The following SLC24A2 variants were observed in gnomAD, a reference collection of about 807,000 sequenced individuals.
The protein encoded by SLC24A2 is solute carrier family 24 member 2.
In SLC24A2, 36 loss-of-function variants were observed where a neutral mutation model predicts 62.0. The observed-to-expected ratio is 0.58, with a 90% CI of 0.44 to 0.77. The LOEUF is 0.77. Among genes scored for constraint, SLC24A2 ranks in the 30% least tolerant of loss-of-function variants. The pLI, the probability that SLC24A2 is intolerant of heterozygous loss-of-function variation, is 0.00. For missense variants in SLC24A2, 846 were observed against 817.9 expected, an observed-to-expected ratio of 1.03 and a Z score of -0.42; for synonymous variants, 358 against 294.0, an observed-to-expected ratio of 1.22 and a Z score of -2.23.
At chr9:20,190,194 T>A in the SLC24A2 span, among the ~76,000 whole-genome samples, 4 of 152,166 alleles carry the variant, frequency 2.6e-5, no homozygotes, top group African/African-American at 9.6e-5. Flanking sequence ...TCTTTGTTTC[T>A]CCATTTCTGG....
At chr9:20,191,876 G>C in the SLC24A2 span, among the ~76,000 whole-genome samples, 1 of 152,216 alleles carries the variant, frequency 6.6e-6, no homozygotes, top group East Asian at 1.9e-4. Context: ...TCTTATTTTA[G>C]GAGGGTACAC....
chr9:19,874,286 G>T, the SLC24A2 span, among the ~76,000 whole-genome samples: 1 of 151,702 alleles, frequency 6.6e-6, no homozygotes, highest in Non-Finnish European at 1.5e-5. Context: ...CGCCATGTTG[G>T]CCAGGCATAT....
chr9:19,584,523 G>C (rs1272275206), intron 5 of SLC24A2, among the ~76,000 whole-genome samples: 1 of 152,040 alleles, frequency 6.6e-6, no homozygotes, highest in East Asian at 1.9e-4. Flanking sequence ...ATGCCACCTA[G>C]CAACTAGAAG....
upstream of SLC24A2, among the ~76,000 whole-genome samples, chr9:19,789,213 T>G (rs1435292404): frequency 6.6e-6 from 1 of 152,182 alleles, no homozygotes; most frequent in African/African-American, 2.4e-5. Context: ...TTAGGAGATT[T>G]CTCCGCAGTG....
At chr9:19,916,629 T>G in the SLC24A2 span, among the ~76,000 whole-genome samples, 1 of 151,982 alleles carries the variant, frequency 6.6e-6, no homozygotes, top group African/African-American at 2.4e-5. Flanking sequence ...TCTGCTTTTT[T>G]CCACTTAGCA....
chr9:20,023,474 T>C, the SLC24A2 span, among the ~76,000 whole-genome samples: 1 of 152,178 alleles, frequency 6.6e-6, no homozygotes. Context: ...GTGCACAATC[T>C]TTGTAGCTGT....
chr9:20,153,330 A>G, the SLC24A2 span, among the ~76,000 whole-genome samples: 1 of 151,836 alleles, frequency 6.6e-6, no homozygotes, highest in Non-Finnish European at 1.5e-5. Flanking sequence ...TTTATAAAAT[A>G]AAAGGACTGG....
chr9:19,933,325 G>A, the SLC24A2 span, among the ~76,000 whole-genome samples: 3 of 152,186 alleles, frequency 2.0e-5, no homozygotes, highest in African/African-American at 7.2e-5. Context: ...GTGTCCTGTA[G>A]CTCTTCCTTA....
At chr9:20,252,563 C>A in the SLC24A2 span, among the ~76,000 whole-genome samples, 161 of 152,294 alleles carry the variant, frequency 1.1e-3, no homozygotes, top group African/African-American at 3.8e-3. Flanking sequence ...ATCATGATCT[C>A]ACTTGATTCC....
At chr9:19,534,032 G>A (rs1291512350) in intron 8 of SLC24A2, among the ~76,000 whole-genome samples, 1 of 152,142 alleles carries the variant, frequency 6.6e-6, no homozygotes. Context: ...GTTATCTCAT[G>A]CTTTCCTTAA....
chr9:20,258,509 G>C, the SLC24A2 span, among the ~76,000 whole-genome samples: 1 of 152,172 alleles, frequency 6.6e-6, no homozygotes, highest in Non-Finnish European at 1.5e-5. Context: ...AGAAGGGCAA[G>C]TTCCTGCTGT....
the SLC24A2 span, among the ~76,000 whole-genome samples, chr9:20,278,608 C>T: frequency 2.6e-5 from 4 of 152,206 alleles, no homozygotes; most frequent in African/African-American, 9.6e-5. Flanking sequence ...ACTTTATTTT[C>T]CATATCACTA....
intron 2 of SLC24A2, among the ~76,000 whole-genome samples, chr9:19,747,339 G>A (rs559769244): frequency 3.2e-4 from 49 of 151,888 alleles, no homozygotes; most frequent in East Asian, 2.1e-3. Context: ...GTATGTGTAC[G>A]TGTTTAAAAC....
intron 2 of SLC24A2, among the ~76,000 whole-genome samples, chr9:19,753,979 A>G (rs1822058182): frequency 6.6e-6 from 1 of 152,202 alleles, no homozygotes; most frequent in African/African-American, 2.4e-5. Flanking sequence ...TTTTAGCAGC[A>G]AAGGTATGAA....
chr9:19,612,551 G>A (rs1387760176), intron 4 of SLC24A2, among the ~76,000 whole-genome samples: 2 of 152,160 alleles, frequency 1.3e-5, no homozygotes, highest in Admixed American at 6.5e-5. Flanking sequence ...CAAATGAGGA[G>A]GTTGAGGCAC....
the SLC24A2 span, among the ~76,000 whole-genome samples, chr9:20,159,266 G>A: frequency 7.3e-5 from 11 of 151,548 alleles, no homozygotes; most frequent in African/African-American, 2.2e-4. Context: ...CCCCATTAAC[G>A]CCCCTCTTAG....
Position 19,786,271 on chromosome 9 carries a change from G to A in SLC24A2, c.596C>T (p.Ala199Val), listed in dbSNP as rs1265963053. The change falls in exon 2 of 11, where the codon GCT becomes GTT. Residue 199 changes from alanine (A) to valine (V), a missense_variant. Ala to Val is a moderately conservative substitution (Grantham distance 64). Transcript: ENST00000341998. This position sits in a 1 kb window ranked among gnomAD's most constrained non-coding sequence, Gnocchi z 5.0. The stretch of plus-strand genomic sequence containing the variant: ...TGTGCCTATGCCAACGTTGCTGTGA[G>A]CGATAAATACCCCTATGAGAGATGT... ...LFTSLIGVFI[A>V]HSNVGIGTIV... 4 of 1,614,024 alleles carry A rather than the reference G, an allele frequency of 2.5e-6. No homozygotes were observed. In the African/African-American group the frequency reaches 5.3e-5, roughly 22 times the overall value.
At chr9:19,918,119 C>T in the SLC24A2 span, among the ~76,000 whole-genome samples, 2 of 147,822 alleles carry the variant, frequency 1.4e-5, no homozygotes, top group East Asian at 4.0e-4. Flanking sequence ...TCATATTTTT[C>T]TTCTTCTAAC....
intron 2 of SLC24A2, among the ~76,000 whole-genome samples, chr9:19,716,477 C>A (rs1367520914): frequency 6.6e-6 from 1 of 152,194 alleles, no homozygotes; most frequent in African/African-American, 2.4e-5. Context: ...TGTATGAAGG[C>A]TTTCAGTAAA....
Sources: allele counts gnomAD v4.1 joint callset (sites outside exome capture counted in the v4.1 genomes callset), GRCh38; gene constraint gnomAD v4.1.1; non-coding constraint Gnocchi (gnomAD v3.1); transcripts MANE v1.5; gene names NCBI Gene and HGNC (gene_info 2026-07-23, HGNC 2026-07-21).